SEC24B: variants seen among roughly 807,000 people sequenced by gnomAD.
SEC24B encodes SEC24 homolog B, COPII component, also known as protein transport protein Sec24B.
Under a neutral mutation model 142.8 loss-of-function variants are expected in SEC24B, and 45 were observed. The ratio of observed to expected loss-of-function variants is 0.32; its 90% CI spans 0.25 to 0.40. The LOEUF is 0.40. SEC24B is among the 10% of genes least tolerant of loss of function. SEC24B has a pLI of 1.00. For synonymous variants in SEC24B, 574 were observed against 568.2 expected, an observed-to-expected ratio of 1.01 and a Z score of -0.15; for missense variants, 1,409 against 1,526.8, an observed-to-expected ratio of 0.92 and a Z score of 1.29.
intron 5 of SEC24B, among the ~76,000 whole-genome samples, chr4:109,493,187 A>T (rs1289254458): frequency 1.3e-5 from 2 of 152,166 alleles, no homozygotes; most frequent in African/African-American, 2.4e-5. Context: ...GAAAGCCAGT[A>T]AGCTGATCCT....
chr4:109,538,733 G>A (rs1579022785), intron 23 of SEC24B, 137 bp downstream of exon 23: 1 of 576,536 alleles, frequency 1.7e-6, no homozygotes, highest in South Asian at 2.5e-5. Flanking sequence ...TAAATCCCCT[G>A]TATTCCATTT....
In SEC24B at chr4:109,506,318, G is replaced by T; in HGVS notation, c.1489-10G>T. ...TTGTTCTTTTATTTTGTTTTGAATTGCTCTTTCAGCAGTATCCTGGTGTGA... is the reference window on the plus strand; with the variant it reads ...TTGTTCTTTTATTTTGTTTTGAATTTCTCTTTCAGCAGTATCCTGGTGTGA... On this transcript the variant is annotated splice_polypyrimidine_tract_variant and intron_variant, in intron 6 of 23. Transcript: ENST00000265175. The T allele has an allele frequency of 6.7e-7, 1 of 1,484,256 alleles. No homozygotes were observed. The highest frequency in any genetic ancestry group is 8.9e-7 in the Non-Finnish European group (1 of 1,118,220). 91.9% of individuals were successfully genotyped at this position (1,484,256 alleles called of 1,614,324 possible).
chr4:109,526,472 T>C, intron 17 of SEC24B, 73 bp downstream of exon 17: 2 of 1,131,470 alleles, frequency 1.8e-6, no homozygotes, highest in Non-Finnish European at 2.5e-6. Flanking sequence ...TTTAGTGGAG[T>C]GGGGAAAAAG....
intron 6 of SEC24B, among the ~76,000 whole-genome samples, chr4:109,500,223 C>T (rs557516308): frequency 3.3e-5 from 5 of 152,174 alleles, no homozygotes; most frequent in Non-Finnish European, 5.9e-5. Context: ...TAGATTGGTG[C>T]AAAAGTCATT....
chr4:109,452,853 T>A (rs1335655859), intron 1 of SEC24B, among the ~76,000 whole-genome samples: 1 of 152,270 alleles, frequency 6.6e-6, no homozygotes. Context: ...TTCCTGAACA[T>A]TTTCATGACT....
At chr4:109,488,651 A>G (rs1437161108) in intron 4 of SEC24B, 1 of 160,104 alleles carries the variant, frequency 6.2e-6, no homozygotes, top group African/African-American at 2.4e-5. Flanking sequence ...TCTGTATTTA[A>G]CTTTTGAGAA....
At chr4:109,466,439 C>A (rs143412157) in intron 2 of SEC24B, among the ~76,000 whole-genome samples, 199 of 152,292 alleles carry the variant, frequency 1.3e-3, no homozygotes, top group African/African-American at 4.6e-3. Context: ...GAGATGGAGT[C>A]TCGCTCTGTC....
intron 17 of SEC24B, among the ~76,000 whole-genome samples, 169 bp from the exon 18 acceptor site, chr4:109,527,153 A>G (rs1165930284): frequency 6.6e-6 from 1 of 151,830 alleles, no homozygotes; most frequent in Non-Finnish European, 1.5e-5. Context: ...TAGGAGACAG[A>G]AGTTGCAGTG....
chr4:109,477,243 T>G (rs1025044373), intron 3 of SEC24B, among the ~76,000 whole-genome samples: 3 of 151,704 alleles, frequency 2.0e-5, no homozygotes, highest in African/African-American at 7.3e-5. Flanking sequence ...TGTTTTACTC[T>G]ATCAGCAGTT....
At chr4:109,511,621 C>A (rs1737339465) in intron 8 of SEC24B, among the ~76,000 whole-genome samples, 1 of 152,132 alleles carries the variant, frequency 6.6e-6, no homozygotes, top group Non-Finnish European at 1.5e-5. Context: ...TAGTCTAGTA[C>A]CACGTGCAGT....
intron 3 of SEC24B, among the ~76,000 whole-genome samples, chr4:109,476,112 GAGTA>G (rs1388568945): frequency 6.6e-6 from 1 of 151,664 alleles, no homozygotes; most frequent in Admixed American, 6.6e-5. Context: ...TCAGCCTCCT[GAGTA>G]GCTGGGATTA....
At position 109,510,130 on chromosome 4, in the gene SEC24B, A is replaced by G. The variant is rs373273254; in HGVS notation, c.1776+19A>G. ...CCTAACGGTAAAGTAACATTTTATA[A>G]TATTTATGGGTACTGACATGTATGC... On this transcript the variant is annotated intron_variant, in intron 8 of 23. Coordinates refer to ENST00000265175, the MANE Select transcript of SEC24B (RefSeq NM_006323.5). 6.0e-5 allele frequency: 85 copies of G among 1,409,420 alleles called. No individual in the cohort carries two copies. Among genetic ancestry groups the G allele is most frequent in the Non-Finnish European group, 8.1e-5 (82 of 1,008,528 alleles). The allele number at this position is 1,409,420 out of a possible 1,614,324, so 87.3% of individuals were successfully genotyped here. A position where few individuals can be genotyped will look rare whatever the true frequency, so the allele number is the denominator to read the frequency against.
At chr4:109,532,580 C>A in intron 20 of SEC24B, 59 bp from the exon 21 acceptor site, 2 of 1,282,824 alleles carry the variant, frequency 1.6e-6, no homozygotes, top group Non-Finnish European at 1.1e-6. Context: ...TGACCATTAG[C>A]TCCCAAACTG....
chr4:109,479,899 G>C (rs1357167467), intron 3 of SEC24B, among the ~76,000 whole-genome samples: 1 of 151,936 alleles, frequency 6.6e-6, no homozygotes, highest in Admixed American at 6.6e-5. Flanking sequence ...TCAAATATTC[G>C]TTTTAATTGG....
chr4:109,495,096 T>C (rs1024350854), intron 6 of SEC24B, among the ~76,000 whole-genome samples: 1 of 152,226 alleles, frequency 6.6e-6, no homozygotes, highest in African/African-American at 2.4e-5. Context: ...ATATTAGATA[T>C]GATTTTATTT....
intron 3 of SEC24B, among the ~76,000 whole-genome samples, chr4:109,476,366 C>T (rs1455264985): frequency 2.0e-5 from 3 of 152,078 alleles, no homozygotes; most frequent in African/African-American, 4.8e-5. Flanking sequence ...ATGTGAAGTA[C>T]GTTTTTATTG....
At position 109,525,447 on chromosome 4, in the gene SEC24B, C is replaced by T. The variant is rs1021591388; in HGVS notation, c.2734C>T (p.Arg912Trp). ...QAEKLQKDLK[R>W]YLTRKIGFEA... is the part of the protein sequence containing the mutation. ...AGAAAAGTTACAAAAAGACCTAAAA[C>T]GGTATCTCACAAGAAAAATTGGGTT... Residue 912 changes from arginine to tryptophan, a missense_variant, in exon 16 of 24, where the codon CGG becomes TGG. Physicochemically the swap from Arg to Trp is moderately radical, Grantham distance 101. Coordinates refer to ENST00000265175, the MANE Select transcript of SEC24B (RefSeq NM_006323.5). The T allele has an allele frequency of 3.7e-6, 6 of 1,611,604 alleles. No homozygotes were observed. The highest frequency in any genetic ancestry group is 1.3e-5 in the African/African-American group (1 of 74,942).
chr4:109,486,558 T>C (rs1335529634), intron 4 of SEC24B, among the ~76,000 whole-genome samples: 1 of 152,218 alleles, frequency 6.6e-6, no homozygotes, highest in African/African-American at 2.4e-5. Context: ...TCTTTCAAGC[T>C]GTAACATAGA....
At chr4:109,528,579 G>A (rs921447037) in intron 18 of SEC24B, among the ~76,000 whole-genome samples, 1 of 152,178 alleles carries the variant, frequency 6.6e-6, no homozygotes, top group Non-Finnish European at 1.5e-5. Context: ...ATTTTGTAGT[G>A]ATGGAACTAT....
Sources: gnomAD v4.1 joint callset for allele counts (sites outside exome capture counted in the v4.1 genomes callset) on GRCh38, gnomAD v4.1.1 for gene constraint, MANE v1.5 for transcripts, NCBI Gene and HGNC (gene_info 2026-07-23, HGNC 2026-07-21) for gene names.